The following DNMT3B variants were observed in gnomAD, a reference collection of about 807,000 sequenced individuals.
DNMT3B encodes the protein DNA (cytosine-5)-methyltransferase 3B.
DNMT3B carries 37 observed loss-of-function variants against 120.2 expected under a neutral mutation model. The ratio of observed to expected loss-of-function variants is 0.31; its 90% confidence interval spans 0.24 to 0.40. DNMT3B has a LOEUF of 0.40. Ranked by LOEUF, DNMT3B falls within the 10% of genes least tolerant of loss-of-function variation. DNMT3B has a pLI of 1.00. For missense variants in DNMT3B, 878 were observed against 1,137.3 expected (o/e 0.77, Z 3.28); for synonymous variants, 412 against 442.8 (o/e 0.93, Z 0.87).
chr20:32,789,266 G>T (rs1224203196), intron 7 of DNMT3B, among the ~76,000 whole-genome samples: 1 of 152,192 alleles, frequency 6.6e-6, no homozygotes, highest in African/African-American at 2.4e-5. Flanking sequence ...TATCTTTTGG[G>T]GGCAGAATCA....
At chr20:32,768,412 G>A (rs1033000833) in intron 1 of DNMT3B, among the ~76,000 whole-genome samples, 1 of 152,086 alleles carries the variant, frequency 6.6e-6, no homozygotes, top group East Asian at 1.9e-4. Flanking sequence ...GGCTGGTCTC[G>A]AATTCCCCAC....
At chr20:32,797,530 T>G (rs919789961) in intron 14 of DNMT3B, among the ~76,000 whole-genome samples, 10 of 152,232 alleles carry the variant, frequency 6.6e-5, no homozygotes, top group African/African-American at 2.2e-4. Flanking sequence ...AGGGTCTCCC[T>G]GTGTTGCCCA....
chr20:32,798,742 CGTT>C, intron 15 of DNMT3B, 99 bp downstream of exon 15: 1 of 1,529,164 alleles, frequency 6.5e-7, no homozygotes, highest in Non-Finnish European at 8.9e-7. Flanking sequence ...AGTAAAGACA[CGTT>C]GTACCTCTTG....
intron 1 of DNMT3B, among the ~76,000 whole-genome samples, chr20:32,766,638 G>C (rs1987385460): frequency 6.6e-6 from 1 of 152,082 alleles, no homozygotes; most frequent in African/African-American, 2.4e-5. Context: ...TGTTGCCCAG[G>C]TTGGAGCGCA....
At chr20:32,790,390 T>C (rs1488403627) in intron 7 of DNMT3B, among the ~76,000 whole-genome samples, 1 of 152,092 alleles carries the variant, frequency 6.6e-6, no homozygotes, top group Non-Finnish European at 1.5e-5. Context: ...CAATGCAGTG[T>C]GGGGCTGTCA....
At chr20:32,784,944 C>T in intron 4 of DNMT3B, 85 bp downstream of exon 4, 1 of 1,296,344 alleles carries the variant, frequency 7.7e-7, no homozygotes, top group East Asian at 2.4e-5. Context: ...AGCATAGCTC[C>T]TTAGGGGAGC....
Position 32,805,226 on chromosome 20 carries a change from C to T in DNMT3B, c.2232-112C>T, listed in dbSNP as rs116749344. On this transcript the variant is annotated intron_variant, in intron 20 of 22. Transcript: ENST00000328111. Reference sequence around the variant, plus strand: ...GATCATTTTCATCATTTATTTGTAGCCAAGTTCACTGCCAGGGCACATCTC... The same window carrying T: ...GATCATTTTCATCATTTATTTGTAGTCAAGTTCACTGCCAGGGCACATCTC... The T allele has an allele frequency of 1.1e-3, 1,435 of 1,316,266 alleles. 17 individuals are homozygous for T. The African/African-American group carries it at 0.018, about 17-fold the overall frequency. The allele number at this position is 1,316,266 out of a possible 1,614,324, so 81.5% of individuals were successfully genotyped here. A position where few individuals can be genotyped will look rare whatever the true frequency, so the allele number is the denominator to read the frequency against.
At chr20:32,796,686 G>A in intron 12 of DNMT3B, 104 bp from the exon 13 acceptor site, 1 of 1,275,288 alleles carries the variant, frequency 7.8e-7, no homozygotes, top group Non-Finnish European at 1.1e-6. Flanking sequence ...TCCTTGGCAA[G>A]CTGCTGGCCT....
chr20:32,804,795 G>A (rs572821587), intron 20 of DNMT3B, among the ~76,000 whole-genome samples: 1 of 150,194 alleles, frequency 6.7e-6, no homozygotes, highest in South Asian at 2.1e-4. Context: ...AGGCTTAAGC[G>A]ATCCTCCTGC....
At chr20:32,798,872 C>A (rs1980984851) in intron 15 of DNMT3B, among the ~76,000 whole-genome samples, 1 of 152,148 alleles carries the variant, frequency 6.6e-6, no homozygotes, top group Non-Finnish European at 1.5e-5. Context: ...TTTTCAGGGG[C>A]CTGATGAAGA....
At chr20:32,798,756 G>T (rs1229415500) in intron 15 of DNMT3B, 113 bp downstream of exon 15, 4 of 1,459,614 alleles carry the variant, frequency 2.7e-6, no homozygotes, top group Non-Finnish European at 3.7e-6. Context: ...GTACCTCTTG[G>T]AGCCTCAATG....
At position 32,795,410 on chromosome 20, in the gene DNMT3B, G is replaced by C. The variant is rs779492871; in HGVS notation, c.1128G>C (p.Glu376Asp). ...GSRKLESRKY[E>D]NKTRRRTADD... ...CTGCAGTCTAATTACCTTTCACAGA[G>C]AACAAGACTCGAAGACGCACAGCTG... Residue 376 changes from glutamate to aspartate, a missense_variant and splice_region_variant, in exon 11 of 23, where the codon GAG (glutamate) becomes GAC (aspartate). Transcript: ENST00000328111. 4 of 1,613,880 alleles carry C rather than the reference G, an allele frequency of 2.5e-6. No individual in the cohort carries two copies. In the Admixed American group the frequency reaches 6.7e-5, roughly 27 times the overall value.
intron 1 of DNMT3B, among the ~76,000 whole-genome samples, chr20:32,777,750 AT>A (rs1988138257): frequency 6.6e-6 from 1 of 152,202 alleles, no homozygotes; most frequent in Non-Finnish European, 1.5e-5. Flanking sequence ...CTTTCCTGGG[AT>A]TCTGACTGCT....
intron 2 of DNMT3B, 86 bp from the exon 3 acceptor site, chr20:32,781,267 C>G: frequency 7.0e-7 from 1 of 1,435,820 alleles, no homozygotes; most frequent in South Asian, 1.2e-5. Context: ...CAGGCCACGC[C>G]ACGGAGAAAA....
At chr20:32,803,987 G>A (rs1981674258) in intron 20 of DNMT3B, among the ~76,000 whole-genome samples, 1 of 152,178 alleles carries the variant, frequency 6.6e-6, no homozygotes, top group East Asian at 1.9e-4. Context: ...AAGGAGAGAT[G>A]ACTGATTATG....
intron 1 of DNMT3B, among the ~76,000 whole-genome samples, chr20:32,765,258 C>A (rs530161903): frequency 6.6e-6 from 1 of 152,186 alleles, no homozygotes; most frequent in South Asian, 2.1e-4. Context: ...GAATTCATTT[C>A]ATGTGCAGGC....
At chr20:32,806,104 G>T (rs1362305915) in intron 21 of DNMT3B, 105 bp from the exon 22 acceptor site, 2 of 1,046,916 alleles carry the variant, frequency 1.9e-6, no homozygotes, top group Admixed American at 3.4e-5. Context: ...CCACTCTTCT[G>T]CCGCACCTGC....
chr20:32,774,365 A>G (rs1987939734), intron 1 of DNMT3B, among the ~76,000 whole-genome samples: 1 of 151,824 alleles, frequency 6.6e-6, no homozygotes, highest in African/African-American at 2.4e-5. Context: ...GCTCACCACC[A>G]TGCCCGGCTA....
At position 32,787,218 on chromosome 20, in the gene DNMT3B, T is replaced by C. The variant is rs777880627; in HGVS notation, c.433-12T>C. The C allele has an allele frequency of 1.9e-6, 3 of 1,614,224 alleles. No homozygotes were observed. The South Asian group carries it at 3.3e-5, about 18-fold the overall frequency. The stretch of plus-strand genomic sequence containing the variant: ...TTGCTCTGGCCCAAACTATGTGTCC[T>C]TCTGTCCACAGTCCCTGAGACGGCG... On this transcript the variant is annotated splice_polypyrimidine_tract_variant and intron_variant, in intron 5 of 22. Coordinates refer to ENST00000328111, the MANE Select transcript of DNMT3B (RefSeq NM_006892.4).
Sources: allele counts gnomAD v4.1 joint callset (sites outside exome capture counted in the v4.1 genomes callset), GRCh38; gene constraint gnomAD v4.1.1; transcripts MANE v1.5; gene names NCBI Gene and HGNC (gene_info 2026-07-23, HGNC 2026-07-21).